Variants in ANKRD26 observed in about 807,000 individuals in gnomAD.
The protein encoded by ANKRD26 is ankyrin repeat domain-containing protein 26.
A neutral mutation model predicts 208.7 loss-of-function variants in ANKRD26; 141 were observed. That is an observed-to-expected ratio of 0.68 (90% CI 0.59 to 0.78). The LOEUF is 0.78. ANKRD26 is among the 30% of genes least tolerant of loss of function. ANKRD26 has a pLI of 0.00. For missense variants in ANKRD26, 1,889 were observed against 1,938.7 expected, an observed-to-expected ratio of 0.97 and a Z score of 0.48; for synonymous variants, 636 against 660.4, an observed-to-expected ratio of 0.96 and a Z score of 0.57.
At chr10:27,009,248 C>T (rs1347942497) in intron 32 of ANKRD26, among the ~76,000 whole-genome samples, 1 of 152,090 alleles carries the variant, frequency 6.6e-6, no homozygotes, top group African/African-American at 2.4e-5. Flanking sequence ...GACCCAGAAC[C>T]CAGGAGGGAG....
At chr10:26,983,253 T>C (rs1363491036) in intron 3 of ANKRD26, among the ~76,000 whole-genome samples, 4 of 152,158 alleles carry the variant, frequency 2.6e-5, no homozygotes. Context: ...TGAGTAATCA[T>C]ACCATTGGAA....
chr10:27,042,560 T>C lies in ANKRD26; in HGVS notation c.2161+866A>G, dbSNP rs540991036. ...GGAGGTCAGGCAATTGAGACCATCC[T>C]GGCTAACACGGTGAAACCCTGTCTC... On this transcript the variant is annotated intron_variant, in intron 20 of 33. Coordinates refer to ENST00000376087, the MANE Select transcript of ANKRD26 (RefSeq NM_014915.3). Among the ~76,000 whole-genome samples, 784 of 152,188 alleles carry C rather than the reference T, an allele frequency of 5.2e-3. 7 individuals carry two copies. Among genetic ancestry groups the C allele is most frequent in the African/African-American group, 0.018 (741 of 41,500 alleles).
chr10:27,094,438 T>C (rs546862955), intron 1 of ANKRD26, among the ~76,000 whole-genome samples: 4 of 152,276 alleles, frequency 2.6e-5, no homozygotes, highest in East Asian at 1.9e-4. Context: ...CAACTTGGGG[T>C]TGAATCCTAC....
the ANKRD26 span, among the ~76,000 whole-genome samples, chr10:26,961,886 A>C: frequency 2.6e-5 from 4 of 152,214 alleles, no homozygotes; most frequent in African/African-American, 9.7e-5. Context: ...CTATGTTCAA[A>C]TACATGCTGG....
chr10:27,079,596 G>A (rs972358300), intron 6 of ANKRD26, among the ~76,000 whole-genome samples: 1 of 152,170 alleles, frequency 6.6e-6, no homozygotes, highest in African/African-American at 2.4e-5. Flanking sequence ...GCTCGTGCCT[G>A]TAATCCCAGA....
chr10:27,064,683 T>C (rs982837861), intron 11 of ANKRD26, among the ~76,000 whole-genome samples: 2 of 152,248 alleles, frequency 1.3e-5, no homozygotes, highest in South Asian at 2.1e-4. Flanking sequence ...AAAATCTAAA[T>C]ACTTTTTGAT....
chr10:26,975,621 C>A (rs111926620), exon 6 of ANKRD26, among the ~76,000 whole-genome samples: 5 of 152,006 alleles, frequency 3.3e-5, no homozygotes, highest in African/African-American at 1.2e-4. Context: ...GCAGGTGGAT[C>A]ACCTGAGGTC....
chr10:27,024,733 C>T (rs1469133888), intron 27 of ANKRD26, among the ~76,000 whole-genome samples, 174 bp from the exon 28 acceptor site: 1 of 152,004 alleles, frequency 6.6e-6, no homozygotes, highest in Non-Finnish European at 1.5e-5. Flanking sequence ...TAAAACAGCT[C>T]ATATCTCTTT....
At chr10:27,028,254 T>A (rs945128513) in intron 27 of ANKRD26, among the ~76,000 whole-genome samples, 1 of 152,148 alleles carries the variant, frequency 6.6e-6, no homozygotes, top group Non-Finnish European at 1.5e-5. Flanking sequence ...CATGTCACAG[T>A]GAAAACACAG....
intron 27 of ANKRD26, 88 bp downstream of exon 27, chr10:27,028,764 A>C: frequency 9.1e-7 from 1 of 1,097,764 alleles, no homozygotes; most frequent in Non-Finnish European, 1.4e-6. Flanking sequence ...TTCTGGTCTC[A>C]AGCATTTTAA....
At chr10:27,032,668 A>T (rs2053910774) in intron 25 of ANKRD26, among the ~76,000 whole-genome samples, 1 of 151,182 alleles carries the variant, frequency 6.6e-6, no homozygotes. Context: ...AACAAAAATT[A>T]GCTGGGCATG....
At chr10:27,047,207 C>T (rs997327130) in intron 17 of ANKRD26, among the ~76,000 whole-genome samples, 1 of 152,070 alleles carries the variant, frequency 6.6e-6, no homozygotes, top group Non-Finnish European at 1.5e-5. Flanking sequence ...ACACATATAA[C>T]ATGGAAGAAG....
the ANKRD26 span, among the ~76,000 whole-genome samples, chr10:26,949,079 T>C: frequency 2.7e-4 from 41 of 152,274 alleles, no homozygotes; most frequent in East Asian, 7.1e-3. Flanking sequence ...TTAGTTTTAT[T>C]ATGCTCCTAG....
chr10:27,043,815 C>T (rs952323423), intron 19 of ANKRD26, among the ~76,000 whole-genome samples: 6 of 150,922 alleles, frequency 4.0e-5, no homozygotes, highest in African/African-American at 9.7e-5. Context: ...TTTTTGACAT[C>T]GGGTCTCGCT....
In ANKRD26 at chr10:27,017,679, TTTC is replaced by T. The variant is rs1390739627; in HGVS notation, c.4326_4328del (p.Lys1443del). The T allele has an allele frequency of 1.2e-6, 2 of 1,613,530 alleles. No individual in the cohort carries two copies. Among genetic ancestry groups the T allele is most frequent in the South Asian group, 2.2e-5 (2 of 91,020 alleles). On this transcript the variant is annotated inframe_deletion, in exon 30 of 34. Coordinates refer to ENST00000376087, the MANE Select transcript of ANKRD26 (RefSeq NM_014915.3). ...TTTTATTCTTCTGTAGTTTTTCACA[TTTC>T]TTTTGTACTGTTTTCATAGATAACA...
chr10:27,060,812 A>G (rs1201674380), intron 13 of ANKRD26, among the ~76,000 whole-genome samples: 2 of 152,252 alleles, frequency 1.3e-5, no homozygotes, highest in Non-Finnish European at 2.9e-5. Context: ...AAAAGTGCAC[A>G]TATACCAATG....
intron 1 of ANKRD26, among the ~76,000 whole-genome samples, chr10:27,099,433 T>C (rs1028967972): frequency 1.3e-5 from 2 of 152,194 alleles, no homozygotes; most frequent in African/African-American, 4.8e-5. Context: ...AAAGGCATTT[T>C]ATTTCTTTTT....
At chr10:26,983,272 G>C (rs2052335830) in intron 3 of ANKRD26, among the ~76,000 whole-genome samples, 1 of 152,142 alleles carries the variant, frequency 6.6e-6, no homozygotes, top group East Asian at 1.9e-4. Context: ...AATACAGAAT[G>C]TGTCCAATGA....
At chr10:27,007,786 T>A (rs1002020721) in intron 32 of ANKRD26, among the ~76,000 whole-genome samples, 6 of 152,218 alleles carry the variant, frequency 3.9e-5, no homozygotes, top group African/African-American at 1.4e-4. Context: ...TATTATAATG[T>A]CATGTGAAAA....
Sources: gnomAD v4.1 joint callset for allele counts (sites outside exome capture counted in the v4.1 genomes callset) on GRCh38, gnomAD v4.1.1 for gene constraint, MANE v1.5 for transcripts, NCBI Gene and HGNC (gene_info 2026-07-23, HGNC 2026-07-21) for gene names.